The following METTL15 variants were observed in gnomAD, a reference collection of about 807,000 sequenced individuals.
The protein encoded by METTL15 is methyltransferase 15, mitochondrial 12S rRNA N4-cytidine.
In METTL15, 34 loss-of-function variants were observed where a neutral mutation model predicts 38.3. That is an observed-to-expected ratio of 0.89 (90% CI 0.68 to 1.18). The LOEUF (loss-of-function observed/expected upper bound fraction) is 1.18, where lower values mean the gene tolerates loss of function less well. Ranked by LOEUF, METTL15 falls within the 50% of genes most tolerant of loss-of-function variation. METTL15 has a pLI of 0.00. For synonymous variants in METTL15, 162 were observed against 170.9 expected, an observed-to-expected ratio of 0.95 and a Z score of 0.41; for missense variants, 438 against 498.4, an observed-to-expected ratio of 0.88 and a Z score of 1.15.
rs77194758 is a variant in METTL15 at position 28,411,129 on chromosome 11, T to C, written c.*359-13170T>C. Among the ~76,000 whole-genome samples, 897 of 152,118 alleles carry C rather than the reference T, an allele frequency of 5.9e-3. 9 individuals are homozygous for C. Among genetic ancestry groups the C allele is most frequent in the African/African-American group, 0.019 (809 of 41,542 alleles). On this transcript the variant is annotated intron_variant and NMD_transcript_variant, in intron 5 of 7. Coordinates refer to the METTL15 transcript ENST00000532947. ...AATAAATGGAAAGGTATATCAATGT[T>C]CATGAATAAGAAGAATTAATATTGT... is the stretch of plus-strand genomic sequence containing the variant.
intron 6 of METTL15, among the ~76,000 whole-genome samples, chr11:28,427,962 G>A (rs1435809387): frequency 6.6e-6 from 1 of 152,158 alleles, no homozygotes; most frequent in African/African-American, 2.4e-5. Flanking sequence ...CGTTGAACAG[G>A]AGTGATGAGA....
intron 6 of METTL15, among the ~76,000 whole-genome samples, chr11:28,518,267 G>C (rs750413659): frequency 2.5e-4 from 38 of 152,220 alleles, no homozygotes; most frequent in Non-Finnish European, 3.7e-4. Flanking sequence ...GTGGCACTGT[G>C]AGAAAGAAAG....
intron 3 of METTL15, among the ~76,000 whole-genome samples, chr11:28,157,285 T>G (rs954988701): frequency 6.6e-6 from 1 of 152,218 alleles, no homozygotes; most frequent in Non-Finnish European, 1.5e-5. Context: ...CCTGAAAGGC[T>G]GCCAGTTTTG....
At chr11:28,203,982 CTACTT>C (rs1852212817) in intron 3 of METTL15, among the ~76,000 whole-genome samples, 1 of 151,962 alleles carries the variant, frequency 6.6e-6, no homozygotes, top group African/African-American at 2.4e-5. Context: ...TGAATTATAA[CTACTT>C]TATATGGTCC....
At chr11:28,450,038 G>C (rs149557161) in intron 6 of METTL15, among the ~76,000 whole-genome samples, 5 of 152,130 alleles carry the variant, frequency 3.3e-5, no homozygotes, top group Admixed American at 1.3e-4. Flanking sequence ...GCTGTATTTT[G>C]GGCAGTAATC....
At chr11:28,316,507 T>C (rs187837673) in intron 6 of METTL15, among the ~76,000 whole-genome samples, 1 of 152,326 alleles carries the variant, frequency 6.6e-6, no homozygotes, top group East Asian at 1.9e-4. Flanking sequence ...GATGAGACAT[T>C]GGACTGCAGA....
At chr11:28,352,904 A>G (rs1850054504) in intron 4 of METTL15, among the ~76,000 whole-genome samples, 1 of 152,258 alleles carries the variant, frequency 6.6e-6, no homozygotes, top group Admixed American at 6.5e-5. Flanking sequence ...GGCCTAGTTT[A>G]TAATATCAGT....
intron 3 of METTL15, among the ~76,000 whole-genome samples, chr11:28,142,886 AAGG>A (rs1472337977): frequency 6.6e-6 from 1 of 152,156 alleles, no homozygotes; most frequent in African/African-American, 2.4e-5. Context: ...CAGTAGATGA[AAGG>A]AGACCAGTTA....
At chr11:28,451,827 A>G (rs568422451) in intron 6 of METTL15, among the ~76,000 whole-genome samples, 50 of 152,304 alleles carry the variant, frequency 3.3e-4, no homozygotes, top group African/African-American at 1.1e-3. Context: ...GGGTTATGGC[A>G]GCCTTCCAGA....
At chr11:28,166,602 T>C (rs1363635714) in intron 3 of METTL15, among the ~76,000 whole-genome samples, 1 of 152,212 alleles carries the variant, frequency 6.6e-6, no homozygotes, top group African/African-American at 2.4e-5. Context: ...TGATGTTTTA[T>C]TAAATTACTT....
intron 3 of METTL15, among the ~76,000 whole-genome samples, chr11:28,151,262 CT>C (rs1056546102): frequency 4.6e-5 from 7 of 151,840 alleles, no homozygotes; most frequent in South Asian, 2.1e-4. Context: ...TTATTCACCC[CT>C]CTCCCTTCTT....
chr11:28,496,215 C>T (rs896489632), intron 6 of METTL15, among the ~76,000 whole-genome samples: 9 of 152,232 alleles, frequency 5.9e-5, no homozygotes, highest in Admixed American at 2.0e-4. Flanking sequence ...TGGCAGAAGG[C>T]GAATCAGAAG....
intron 5 of METTL15, among the ~76,000 whole-genome samples, chr11:28,373,112 T>A (rs1272799222): frequency 6.6e-6 from 1 of 152,126 alleles, no homozygotes; most frequent in Non-Finnish European, 1.5e-5. Context: ...GCAGCATGAT[T>A]TATAGTCCTT....
chr11:28,141,984 A>G (rs1484197655), intron 3 of METTL15, among the ~76,000 whole-genome samples: 2 of 152,234 alleles, frequency 1.3e-5, no homozygotes, highest in Non-Finnish European at 2.9e-5. Flanking sequence ...GAATGAACGT[A>G]CAGACAACTT....
At chr11:28,116,936 A>T (rs1207645585) in intron 3 of METTL15, among the ~76,000 whole-genome samples, 7 of 152,064 alleles carry the variant, frequency 4.6e-5, no homozygotes, top group Non-Finnish European at 1.0e-4. Flanking sequence ...GCACCCAGAT[A>T]AACCCAGTAT....
At chr11:28,355,470 C>T (rs1229547720) in intron 4 of METTL15, among the ~76,000 whole-genome samples, 2 of 152,118 alleles carry the variant, frequency 1.3e-5, no homozygotes, top group African/African-American at 4.8e-5. Context: ...TCTGTTTCTT[C>T]ATTGAAAGAA....
At chr11:28,460,816 A>G (rs1246838778) in intron 6 of METTL15, among the ~76,000 whole-genome samples, 1 of 152,120 alleles carries the variant, frequency 6.6e-6, no homozygotes, top group African/African-American at 2.4e-5. Context: ...TAGGTTTCCT[A>G]GTTAAGAGGT....
At chr11:28,170,449 T>C (rs1850817076) in intron 3 of METTL15, among the ~76,000 whole-genome samples, 1 of 152,114 alleles carries the variant, frequency 6.6e-6, no homozygotes, top group Admixed American at 6.6e-5. Context: ...GTCCATAAAG[T>C]GAAAGCAAGT....
chr11:28,522,478 G>A (rs1280500237), intron 6 of METTL15, among the ~76,000 whole-genome samples: 2 of 152,322 alleles, frequency 1.3e-5, no homozygotes, highest in Middle Eastern at 3.4e-3. Flanking sequence ...GCCTTCAGCT[G>A]ATTAGAGGAA....
Sources: allele counts gnomAD v4.1 joint callset (sites outside exome capture counted in the v4.1 genomes callset), GRCh38; gene constraint gnomAD v4.1.1; transcripts MANE v1.5; gene names NCBI Gene and HGNC (gene_info 2026-07-23, HGNC 2026-07-21).